Variants in ULK4 observed in about 807,000 individuals in gnomAD.
ULK4 encodes the protein inactive serine/threonine-protein kinase ULK4.
ULK4 carries 133 observed loss-of-function variants against 160.6 expected under a neutral mutation model. The observed-to-expected ratio is 0.83, with a 90% CI of 0.72 to 0.96. The LOEUF is 0.96. Ranked by LOEUF, ULK4 falls within the 40% of genes least tolerant of loss-of-function variation. The pLI is 0.00. For missense variants in ULK4, 1,580 were observed against 1,499.5 expected, an observed-to-expected ratio of 1.05 and a Z score of -0.89; for synonymous variants, 534 against 539.8, an observed-to-expected ratio of 0.99 and a Z score of 0.15.
intron 35 of ULK4, among the ~76,000 whole-genome samples, chr3:41,391,673 A>T (rs1004891813): frequency 1.3e-5 from 2 of 151,744 alleles, no homozygotes; most frequent in Non-Finnish European, 1.5e-5. Context: ...GCTATATTAC[A>T]CTCATTTTCA....
chr3:41,485,325 T>G (rs759488064), intron 32 of ULK4, among the ~76,000 whole-genome samples: 10 of 152,112 alleles, frequency 6.6e-5, no homozygotes, highest in Non-Finnish European at 1.5e-4. Flanking sequence ...CAGGTATGTT[T>G]AAAAAGGTGT....
intron 31 of ULK4, among the ~76,000 whole-genome samples, chr3:41,607,851 T>G (rs1289318792): frequency 1.3e-5 from 2 of 152,214 alleles, no homozygotes; most frequent in African/African-American, 4.8e-5. Context: ...CTACCACTGC[T>G]GCTATGGACA....
intron 7 of ULK4, among the ~76,000 whole-genome samples, 153 bp downstream of exon 7, chr3:41,918,304 G>C (rs1213888988): frequency 6.6e-6 from 1 of 152,004 alleles, no homozygotes; most frequent in African/African-American, 2.4e-5. Context: ...AATGGCAAAA[G>C]AAATACTAAC....
At position 41,246,722 on chromosome 3, in the gene ULK4, C is replaced by T. The variant is rs1383537277; in HGVS notation, c.*207G>A. ...AAACCTGGGCTTCCCAGATGCATTCCACAGGAACCAAGGAAGTCCATTCTG... is the reference window on the plus strand; with the variant it reads ...AAACCTGGGCTTCCCAGATGCATTCTACAGGAACCAAGGAAGTCCATTCTG... On this transcript the variant is annotated 3_prime_UTR_variant, in exon 37 of 37. Coordinates refer to ENST00000301831, the MANE Select transcript of ULK4 (RefSeq NM_017886.4). 1 of 564,714 alleles carries T rather than the reference C, an allele frequency of 1.8e-6. No individual in the cohort carries two copies. Among genetic ancestry groups the T allele is most frequent in the Admixed American group, 3.1e-5 (1 of 32,472 alleles). 35.0% of individuals were successfully genotyped at this position (564,714 alleles called of 1,614,324 possible). A position where few individuals can be genotyped will look rare whatever the true frequency, so the allele number is the denominator to read the frequency against.
chr3:41,720,181 A>T (rs748703820), intron 22 of ULK4, among the ~76,000 whole-genome samples: 20 of 152,206 alleles, frequency 1.3e-4, no homozygotes, highest in Non-Finnish European at 2.4e-4. Context: ...AAAATACCTA[A>T]GGGCAAGGAC....
In ULK4 at chr3:41,656,437, T is replaced by C. The variant is rs530024542; in HGVS notation, c.3071+7170A>G. ...CATGGCATTAAAAAATCATTACATG[T>C]ATTAAAACCATTACATTGTTTAATA... On this transcript the variant is annotated intron_variant, in intron 30 of 36. Coordinates refer to ENST00000301831, the MANE Select transcript of ULK4 (RefSeq NM_017886.4). 3.9e-5 allele frequency among the ~76,000 whole-genome samples: 6 copies of C among 152,330 alleles called. No individual in the cohort carries two copies. In the South Asian group the frequency reaches 1.2e-3, roughly 32 times the overall value.
chr3:41,417,318 A>T (rs2082549915), intron 34 of ULK4, among the ~76,000 whole-genome samples: 2 of 152,170 alleles, frequency 1.3e-5, no homozygotes, highest in Non-Finnish European at 2.9e-5. Flanking sequence ...ACTCTCAGGG[A>T]AGAGAGCCTG....
chr3:41,298,030 GC>G (rs1178942557), intron 35 of ULK4, among the ~76,000 whole-genome samples: 4 of 152,154 alleles, frequency 2.6e-5, no homozygotes, highest in Non-Finnish European at 5.9e-5. Context: ...GATAAAAATT[GC>G]CCATCACCAC....
At chr3:41,298,060 C>T (rs1025531179) in intron 35 of ULK4, among the ~76,000 whole-genome samples, 16 of 152,184 alleles carry the variant, frequency 1.1e-4, no homozygotes, top group African/African-American at 3.9e-4. Context: ...TTCCCTCTAT[C>T]ATCTGATTCT....
chr3:41,579,555 G>A (rs946575379), intron 31 of ULK4, among the ~76,000 whole-genome samples: 17 of 139,962 alleles, frequency 1.2e-4, no homozygotes, highest in African/African-American at 4.3e-4. Context: ...GTGCAGTGGC[G>A]CGATCTCGAC....
chr3:41,773,574 A>T (rs2039486941), intron 21 of ULK4, among the ~76,000 whole-genome samples: 1 of 152,196 alleles, frequency 6.6e-6, no homozygotes, highest in Admixed American at 6.5e-5. Flanking sequence ...ATTAAAGAGG[A>T]TACAAACAAA....
At chr3:41,880,248 A>G (rs1442522894) in intron 17 of ULK4, among the ~76,000 whole-genome samples, 2 of 152,232 alleles carry the variant, frequency 1.3e-5, no homozygotes, top group African/African-American at 4.8e-5. Flanking sequence ...TATTACACAT[A>G]GAAACCACAA....
chr3:41,295,985 A>C (rs1477908345), intron 35 of ULK4, among the ~76,000 whole-genome samples: 3 of 152,224 alleles, frequency 2.0e-5, no homozygotes, highest in Non-Finnish European at 4.4e-5. Context: ...TAATTGCCAA[A>C]ATTTGGAAGC....
At chr3:41,809,935 T>TAAAAGACAAACAGTAAAAGACAA (rs1327616257) in intron 19 of ULK4, among the ~76,000 whole-genome samples, 8 of 152,170 alleles carry the variant, frequency 5.3e-5, no homozygotes, top group African/African-American at 1.9e-4. Flanking sequence ...ATGAAAACAT[T>TAAAAGACAAACAGTAAAAGACAA]AACAGTAAAA....
chr3:41,853,968 T>C (rs2042275190), intron 17 of ULK4: 1 of 152,222 alleles, frequency 6.6e-6, no homozygotes, highest in African/African-American at 2.4e-5. Flanking sequence ...ATTAAACATG[T>C]ATACTTAGCC....
chr3:41,861,522 G>A (rs2042496418), intron 17 of ULK4, among the ~76,000 whole-genome samples: 1 of 152,132 alleles, frequency 6.6e-6, no homozygotes, highest in Non-Finnish European at 1.5e-5. Flanking sequence ...AGATGTACTG[G>A]AGCTCCATTT....
intron 32 of ULK4, among the ~76,000 whole-genome samples, chr3:41,563,916 G>A (rs955682202): frequency 1.3e-5 from 2 of 152,270 alleles, no homozygotes; most frequent in Non-Finnish European, 2.9e-5. Flanking sequence ...GAGAGGAGTT[G>A]CGATCCTTTG....
chr3:41,647,699 C>T (rs573605781), intron 30 of ULK4, among the ~76,000 whole-genome samples: 2 of 152,380 alleles, frequency 1.3e-5, no homozygotes, highest in East Asian at 3.9e-4. Flanking sequence ...CAGCTGCATG[C>T]TGGAAGAACC....
At chr3:41,434,216 T>C (rs2082982074) in intron 34 of ULK4, among the ~76,000 whole-genome samples, 1 of 152,218 alleles carries the variant, frequency 6.6e-6, no homozygotes, top group Non-Finnish European at 1.5e-5. Flanking sequence ...TAGACTTGGT[T>C]CCTTTCCCTA....
Sources: allele counts gnomAD v4.1 joint callset (sites outside exome capture counted in the v4.1 genomes callset), GRCh38; gene constraint gnomAD v4.1.1; transcripts MANE v1.5; gene names NCBI Gene and HGNC (gene_info 2026-07-23, HGNC 2026-07-21).